Variants in TNS3 observed in about 807,000 individuals in gnomAD.
TNS3 encodes the protein tensin-3.
In TNS3, 45 loss-of-function variants were observed where a neutral mutation model predicts 140.9. That is an observed-to-expected ratio of 0.32 (90% confidence interval 0.25 to 0.41). The LOEUF (loss-of-function observed/expected upper bound fraction) is 0.41. Among genes scored for constraint, TNS3 ranks in the 10% least tolerant of loss-of-function variants. TNS3 has a pLI of 1.00. For missense variants in TNS3, 1,716 were observed against 1,906.7 expected (o/e 0.90, Z 1.86); for synonymous variants, 815 against 788.4 (o/e 1.03, Z -0.56).
In TNS3 at chr7:47,277,990, G is replaced by A. The variant is rs779595259; in HGVS notation, c.*86C>T. 7.9e-6 allele frequency: 12 copies of A among 1,517,132 alleles called. No homozygotes were observed. The highest frequency in any genetic ancestry group is 1.4e-5 in the African/African-American group (1 of 73,038). 94.0% of individuals were successfully genotyped at this position (1,517,132 alleles called of 1,614,324 possible). ...CTGGAATGTCAGGTTTACTAGTTTG[G>A]TAAAAAGTGGGGGCCCCACCCTCAC... On this transcript the variant is annotated 3_prime_UTR_variant, in exon 31 of 31. Transcript: ENST00000311160.
chr7:47,582,345 T>A (rs926493780), upstream of TNS3: 3 of 442,626 alleles, frequency 6.8e-6, no homozygotes, highest in Non-Finnish European at 1.4e-5. Flanking sequence ...AGAGAGGACC[T>A]GGAATTATCA....
chr7:47,298,045 C>T (rs1436491465), intron 23 of TNS3, among the ~76,000 whole-genome samples: 1 of 152,180 alleles, frequency 6.6e-6, no homozygotes. Context: ...CTCAGCCTCC[C>T]AAAGTGCTGG....
chr7:47,523,307 A>G (rs1457928092), intron 2 of TNS3, among the ~76,000 whole-genome samples: 1 of 152,222 alleles, frequency 6.6e-6, no homozygotes, highest in Non-Finnish European at 1.5e-5. Flanking sequence ...GGAGGGTTAG[A>G]ATGTCAACAT....
chr7:47,389,109 C>CGGAAGAAGAAGA lies in TNS3; in HGVS notation c.1024+7690_1024+7691insTCTTCTTCTTCC, dbSNP rs1554310453. 5.1e-5 allele frequency among the ~76,000 whole-genome samples: 3 copies of CGGAAGAAGAAGA among 59,078 alleles called. 1 individual carries two copies. The highest frequency in any genetic ancestry group is 2.0e-4 in the African/African-American group (3 of 14,718). 38.8% of individuals were successfully genotyped at this position (59,078 alleles called of 152,430 possible). On this transcript the variant is annotated intron_variant, in intron 16 of 30. Transcript: ENST00000311160. Reference sequence around the variant, plus strand: ...GAGGAAGAGGAAGAGGAAGCGGAAGCAGAAGAAGAAGAAGAAGAAGAAGAA... The same window carrying CGGAAGAAGAAGA: ...GAGGAAGAGGAAGAGGAAGCGGAAGCGGAAGAAGAAGAAGAAGAAGAAGAAGAAGAAGAAGAA...
chr7:47,350,797 A>C (rs2462646), intron 17 of TNS3, among the ~76,000 whole-genome samples: 72,132 of 151,688 alleles, frequency 0.48, 18,472 homozygotes, highest in Non-Finnish European at 0.59. Context: ...TGCAGGCAGT[A>C]AGTGTTATAA....
At chr7:47,526,205 T>G (rs1799186091) in intron 2 of TNS3, among the ~76,000 whole-genome samples, 1 of 152,192 alleles carries the variant, frequency 6.6e-6, no homozygotes, top group Non-Finnish European at 1.5e-5. Context: ...GACTCTTCAG[T>G]AAACTCAGTT....
rs567460949 is a variant in TNS3, at chr7:47,579,679, C to T, written c.-265+2372G>A. 61 of 197,780 alleles carry T rather than the reference C, an allele frequency of 3.1e-4. 1 individual carries two copies. Among genetic ancestry groups the T allele is most frequent in the South Asian group, 8.8e-4 (5 of 5,662 alleles). 12.3% of individuals were successfully genotyped at this position (197,780 alleles called of 1,614,324 possible). A position where few individuals can be genotyped will look rare whatever the true frequency, so the allele number is the denominator to read the frequency against. ...GGCTGATCTTAAGAAAGGAATGGGGCACATAGAGTCAGAGAACTGGGCTCA... is the reference window on the plus strand; with the variant it reads ...GGCTGATCTTAAGAAAGGAATGGGGTACATAGAGTCAGAGAACTGGGCTCA... On this transcript the variant is annotated intron_variant, in intron 1 of 30. Transcript: ENST00000311160.
At chr7:47,377,892 G>A (rs966399536) in intron 16 of TNS3, among the ~76,000 whole-genome samples, 6 of 151,102 alleles carry the variant, frequency 4.0e-5, no homozygotes, top group African/African-American at 1.2e-4. Context: ...GTCCCTTTGC[G>A]CCTCATTGTC....
chr7:47,562,069 T>C (rs1016998481), intron 1 of TNS3, among the ~76,000 whole-genome samples: 27 of 152,246 alleles, frequency 1.8e-4, no homozygotes, highest in African/African-American at 6.3e-4. Flanking sequence ...TGGCAAGTAA[T>C]TGAAGCACAG....
intron 6 of TNS3, among the ~76,000 whole-genome samples, chr7:47,438,021 T>C (rs1174401310): frequency 7.2e-6 from 1 of 139,214 alleles, no homozygotes; most frequent in Non-Finnish European, 1.6e-5. Flanking sequence ...TGCTAAATAC[T>C]CAAGTAGTTC....
At position 47,338,252 on chromosome 7, in the gene TNS3, TTTTTAAGAAA is replaced by T. The variant is rs1389433121; in HGVS notation, c.2650+6493_2650+6502del. 7.2e-5 allele frequency among the ~76,000 whole-genome samples: 11 copies of T among 152,334 alleles called. No individual in the cohort carries two copies. In the East Asian group the frequency reaches 1.9e-3, roughly 27 times the overall value. ...TCACATGGCAGATGTAGGTTTTTCATTTTTAAGAAATTGCCAAAATTGTTTTCCACAGCAG... is the reference window on the plus strand; with the variant it reads ...TCACATGGCAGATGTAGGTTTTTCATTTGCCAAAATTGTTTTCCACAGCAG... On this transcript the variant is annotated intron_variant, in intron 20 of 30. Transcript: ENST00000311160.
intron 24 of TNS3, 117 bp downstream of exon 24, chr7:47,296,965 A>G: frequency 1.5e-6 from 2 of 1,292,560 alleles, no homozygotes; most frequent in Non-Finnish European, 2.1e-6. Flanking sequence ...AATAAATACT[A>G]AGAATAAAAT....
intron 20 of TNS3, among the ~76,000 whole-genome samples, chr7:47,306,057 G>A (rs148670477): frequency 6.6e-6 from 1 of 151,968 alleles, no homozygotes; most frequent in African/African-American, 2.4e-5. Flanking sequence ...TGAAAAAAAG[G>A]CTACCTTCTT....
At chr7:47,317,158 G>A (rs1369416988) in intron 20 of TNS3, among the ~76,000 whole-genome samples, 1 of 152,198 alleles carries the variant, frequency 6.6e-6, no homozygotes, top group Non-Finnish European at 1.5e-5. Flanking sequence ...AGGATAAATT[G>A]TTTCTGTCTT....
intron 4 of TNS3, among the ~76,000 whole-genome samples, chr7:47,443,145 C>T (rs1343045472): frequency 6.6e-6 from 1 of 152,134 alleles, no homozygotes; most frequent in Non-Finnish European, 1.5e-5. Flanking sequence ...GGTCCACCTC[C>T]TCATTGTTTT....
intron 27 of TNS3, 109 bp from the exon 28 acceptor site, chr7:47,283,974 C>A (rs183132048): frequency 7.5e-6 from 8 of 1,061,570 alleles, no homozygotes; most frequent in East Asian, 2.7e-5. Flanking sequence ...GAACAACTTG[C>A]GCATGTGGCC....
At chr7:47,415,566 C>T (rs1584608145) in intron 10 of TNS3, among the ~76,000 whole-genome samples, 1 of 152,222 alleles carries the variant, frequency 6.6e-6, no homozygotes, top group African/African-American at 2.4e-5. Context: ...CCTGGCACAC[C>T]GGTGGGCGTG....
chr7:47,386,583 C>G (rs572999315), intron 16 of TNS3, among the ~76,000 whole-genome samples: 1 of 152,222 alleles, frequency 6.6e-6, no homozygotes, highest in Non-Finnish European at 1.5e-5. Context: ...TGCCAGGTCT[C>G]CCCGACAGAC....
chr7:47,514,635 G>A (rs1287937706), intron 2 of TNS3, among the ~76,000 whole-genome samples: 1 of 151,912 alleles, frequency 6.6e-6, no homozygotes, highest in African/African-American at 2.4e-5. Context: ...CCCTACAGCT[G>A]TCTCTCTTGT....
Sources: gnomAD v4.1 joint callset for allele counts (sites outside exome capture counted in the v4.1 genomes callset) on GRCh38, gnomAD v4.1.1 for gene constraint, MANE v1.5 for transcripts, NCBI Gene and HGNC (gene_info 2026-07-23, HGNC 2026-07-21) for gene names.